RASGRP3: variants seen among roughly 807,000 people sequenced by gnomAD.
RASGRP3 encodes RAS guanyl releasing protein 3.
RASGRP3 carries 54 observed loss-of-function variants against 82.7 expected under a neutral mutation model. That is an observed-to-expected ratio of 0.65 (90% confidence interval 0.52 to 0.82). The LOEUF is 0.82. Among genes scored for constraint, RASGRP3 ranks in the 40% least tolerant of loss-of-function variants. The pLI is 0.00. For synonymous variants in RASGRP3, 309 were observed against 300.5 expected (o/e 1.03, Z -0.29); for missense variants, 861 against 828.9 (o/e 1.04, Z -0.48).
chr2:33,467,732 C>G (rs1271113076), intron 2 of RASGRP3, among the ~76,000 whole-genome samples: 1 of 152,158 alleles, frequency 6.6e-6, no homozygotes, highest in Non-Finnish European at 1.5e-5. Flanking sequence ...GTTGTACTAT[C>G]TGACAGTGCC....
In RASGRP3 at chr2:33,561,755, T is replaced by C. The variant is rs191771925; in HGVS notation, c.2065-974T>C. ...ACAGAAAAGGTACGTGTGTTTGTAA[T>C]CTGTGTATTTCCTCCAACGGAGTTC... On this transcript the variant is annotated intron_variant, in intron 17 of 17. Transcript: ENST00000403687. Among the ~76,000 whole-genome samples the C allele has an allele frequency of 1.1e-3, 167 of 152,322 alleles. 1 individual carries two copies. The highest frequency in any genetic ancestry group is 3.9e-3 in the African/African-American group (163 of 41,564).
chr2:33,486,413 C>A (rs1262687909), intron 1 of RASGRP3, among the ~76,000 whole-genome samples: 2 of 152,066 alleles, frequency 1.3e-5, no homozygotes, highest in Non-Finnish European at 2.9e-5. Flanking sequence ...AGTGATCTGC[C>A]CACCTCGGCC....
chr2:33,458,749 A>G (rs970636859), intron 2 of RASGRP3, among the ~76,000 whole-genome samples: 3 of 152,230 alleles, frequency 2.0e-5, no homozygotes, highest in African/African-American at 7.2e-5. Flanking sequence ...ATGCTGTGAA[A>G]GTATAATAAA....
upstream of RASGRP3, among the ~76,000 whole-genome samples, chr2:33,475,907 G>A (rs774549430): frequency 4.6e-5 from 7 of 152,172 alleles, no homozygotes; most frequent in Non-Finnish European, 7.3e-5. Context: ...CACACTCGCC[G>A]GCTGATAATC....
At chr2:33,478,040 C>A (rs917001837) in intron 1 of RASGRP3, among the ~76,000 whole-genome samples, 2 of 152,126 alleles carry the variant, frequency 1.3e-5, no homozygotes, top group Non-Finnish European at 2.9e-5. Context: ...TCTCTCCCCA[C>A]CCTTACCATC....
intron 17 of RASGRP3, among the ~76,000 whole-genome samples, chr2:33,561,733 GA>G (rs1268568439): frequency 3.9e-5 from 6 of 152,098 alleles, no homozygotes; most frequent in African/African-American, 1.4e-4. Flanking sequence ...TTAGAACACA[GA>G]AAAGGTACGT....
At chr2:33,457,818 T>G (rs1021854303) in intron 2 of RASGRP3, among the ~76,000 whole-genome samples, 2 of 152,174 alleles carry the variant, frequency 1.3e-5, no homozygotes, top group African/African-American at 4.8e-5. Flanking sequence ...ACACTACCTC[T>G]CCTACTACTT....
chr2:33,552,541 A>C (rs972176184), intron 14 of RASGRP3, among the ~76,000 whole-genome samples: 1 of 151,968 alleles, frequency 6.6e-6, no homozygotes, highest in Non-Finnish European at 1.5e-5. Flanking sequence ...CTCATGTCAA[A>C]AAGCCCATTG....
chr2:33,558,378 C>T, intron 16 of RASGRP3, 42 bp downstream of exon 16: 1 of 1,611,378 alleles, frequency 6.2e-7, no homozygotes, highest in Non-Finnish European at 8.5e-7. Flanking sequence ...TCTCTTTCTG[C>T]TTGCCTCCTC....
At chr2:33,456,517 C>T (rs1666044879) in intron 2 of RASGRP3, among the ~76,000 whole-genome samples, 1 of 152,142 alleles carries the variant, frequency 6.6e-6, no homozygotes, top group African/African-American at 2.4e-5. Context: ...ATTCAGTCTT[C>T]TGAATAGCAT....
intron 6 of RASGRP3, 120 bp from the exon 7 acceptor site, chr2:33,521,835 G>A: frequency 8.7e-7 from 1 of 1,155,136 alleles, no homozygotes; most frequent in Non-Finnish European, 1.2e-6. Context: ...GAAAGACAGG[G>A]CATGTATTTT....
chr2:33,535,616 T>C (rs1044049699), intron 11 of RASGRP3, among the ~76,000 whole-genome samples: 1 of 152,230 alleles, frequency 6.6e-6, no homozygotes, highest in Admixed American at 6.5e-5. Context: ...TGGTAGCATC[T>C]GTTCTTAAAA....
Position 33,562,745 on chromosome 2 carries a change from C to A in RASGRP3, c.*8C>A. ...GTGTTTCAGGATGGCTGACTTCAGG[C>A]TGCGGAAACTGAAGGCAATAATGTT... On this transcript the variant is annotated 3_prime_UTR_variant, in exon 18 of 18. Transcript: ENST00000403687. 6.2e-7 allele frequency: 1 copy of A among 1,613,382 alleles called. No individual in the cohort carries two copies. Among genetic ancestry groups the A allele is most frequent in the Non-Finnish European group, 8.5e-7 (1 of 1,179,314 alleles).
intron 13 of RASGRP3, among the ~76,000 whole-genome samples, chr2:33,547,641 C>T (rs1674929759): frequency 6.6e-6 from 1 of 152,100 alleles, no homozygotes; most frequent in Admixed American, 6.5e-5. Context: ...GGACAACAGT[C>T]AGGGCTGGAG....
At chr2:33,456,989 G>A (rs1666075254) in intron 2 of RASGRP3, among the ~76,000 whole-genome samples, 1 of 144,652 alleles carries the variant, frequency 6.9e-6, no homozygotes, top group Non-Finnish European at 1.5e-5. Context: ...TGCAGCCTCT[G>A]CCTCCCAGGT....
intron 13 of RASGRP3, among the ~76,000 whole-genome samples, chr2:33,547,382 C>T (rs1462465890): frequency 1.3e-5 from 1 of 74,936 alleles, no homozygotes; most frequent in Non-Finnish European, 2.4e-5. Flanking sequence ...GCCTCCTACG[C>T]AAAATAACTT....
chr2:33,512,177 G>A (rs3754826), intron 2 of RASGRP3, among the ~76,000 whole-genome samples: 33,659 of 152,076 alleles, frequency 0.22, 5,170 homozygotes, highest in African/African-American at 0.43. Flanking sequence ...CTGATAGCCC[G>A]GCCCACCTGG....
intron 1 of RASGRP3, among the ~76,000 whole-genome samples, chr2:33,508,652 C>G (rs6746494): frequency 0.69 from 104,731 of 152,004 alleles, 36,976 homozygotes; most frequent in African/African-American, 0.82. Context: ...ACCATTCTGA[C>G]GTTTATCGAG....
intron 1 of RASGRP3, among the ~76,000 whole-genome samples, chr2:33,504,555 T>C (rs188173165): frequency 6.6e-6 from 1 of 152,328 alleles, no homozygotes; most frequent in Admixed American, 6.5e-5. Context: ...CAGTCTTTCA[T>C]TATGTTAGTG....
Sources: gnomAD v4.1 joint callset for allele counts (sites outside exome capture counted in the v4.1 genomes callset) on GRCh38, gnomAD v4.1.1 for gene constraint, MANE v1.5 for transcripts, NCBI Gene and HGNC (gene_info 2026-07-23, HGNC 2026-07-21) for gene names.